Variants in MAP3K20 observed in about 807,000 individuals in gnomAD.
MAP3K20 encodes the protein HCCS-4.
In MAP3K20, 40 loss-of-function variants were observed where a neutral mutation model predicts 85.7. That is an observed-to-expected ratio of 0.47 (90% CI 0.36 to 0.61). The LOEUF (loss-of-function observed/expected upper bound fraction) is 0.61. Among genes scored for constraint, MAP3K20 ranks in the 20% least tolerant of loss-of-function variants. MAP3K20 has a pLI of 0.00. For missense variants in MAP3K20, 817 were observed against 961.7 expected, an observed-to-expected ratio of 0.85 and a Z score of 1.99; for synonymous variants, 325 against 327.7, an observed-to-expected ratio of 0.99 and a Z score of 0.09.
At chr2:173,192,952 CAT>C (rs1439105265) in intron 7 of MAP3K20, 1 of 152,106 alleles carries the variant, frequency 6.6e-6, no homozygotes, top group Non-Finnish European at 1.5e-5. Flanking sequence ...GTCTCTGTTG[CAT>C]AGTCTTCATA....
chr2:173,091,020 T>C lies in MAP3K20; in HGVS notation c.-12T>C, dbSNP rs200969449. 1.5e-4 allele frequency: 234 copies of C among 1,603,930 alleles called. 1 individual carries two copies. Among genetic ancestry groups the C allele is most frequent in the Non-Finnish European group, 1.9e-4 (223 of 1,176,552 alleles). On this transcript the variant is annotated 5_prime_UTR_variant, in exon 2 of 20. Coordinates refer to ENST00000375213, the MANE Select transcript of MAP3K20 (RefSeq NM_016653.3). ...CAGATTTTGTGGAAGTATAATACTT[T>C]GTCATTATGAGATGTCGTCTCTCGG...
At chr2:173,237,676 A>G (rs1036390168) in intron 14 of MAP3K20, among the ~76,000 whole-genome samples, 2 of 152,102 alleles carry the variant, frequency 1.3e-5, no homozygotes, top group Non-Finnish European at 2.9e-5. Flanking sequence ...TATCCAAAGA[A>G]ATGTTCTTAT....
At chr2:173,128,993 G>A (rs1038815183) in intron 2 of MAP3K20, among the ~76,000 whole-genome samples, 5 of 137,508 alleles carry the variant, frequency 3.6e-5, no homozygotes, top group African/African-American at 5.5e-5. Context: ...GCGCAATCTC[G>A]GCTCACTGCA....
intron 1 of MAP3K20, among the ~76,000 whole-genome samples, chr2:173,078,553 C>T (rs570111219): frequency 6.6e-6 from 1 of 152,222 alleles, no homozygotes; most frequent in Non-Finnish European, 1.5e-5. Flanking sequence ...TAGATTGATT[C>T]GACTGATACA....
At chr2:173,135,415 G>C (rs562667672) in intron 2 of MAP3K20, among the ~76,000 whole-genome samples, 2 of 152,330 alleles carry the variant, frequency 1.3e-5, no homozygotes, top group African/African-American at 4.8e-5. Flanking sequence ...AGACGGAAAT[G>C]AAAGTCCTGC....
chr2:173,152,820 A>T (rs771428940), intron 2 of MAP3K20, among the ~76,000 whole-genome samples: 1 of 151,906 alleles, frequency 6.6e-6, no homozygotes, highest in Non-Finnish European at 1.5e-5. Flanking sequence ...TTTGAAAAAT[A>T]GTTTCCTACT....
chr2:173,200,069 ATAGT>A (rs540606259), intron 8 of MAP3K20, among the ~76,000 whole-genome samples: 15 of 152,326 alleles, frequency 9.8e-5, no homozygotes, highest in South Asian at 8.3e-4. Context: ...ATTAAATATA[ATAGT>A]TAGTTGAAAA....
chr2:173,113,649 C>G (rs1459254918), intron 2 of MAP3K20, among the ~76,000 whole-genome samples: 2 of 152,034 alleles, frequency 1.3e-5, no homozygotes, highest in African/African-American at 2.4e-5. Context: ...CATTTTTGAC[C>G]CAGTGCTTAT....
At chr2:173,129,154 C>T (rs558649139) in intron 2 of MAP3K20, among the ~76,000 whole-genome samples, 10 of 152,154 alleles carry the variant, frequency 6.6e-5, no homozygotes, top group East Asian at 5.8e-4. Flanking sequence ...GTCTCAATCT[C>T]GTGACCTCGT....
At chr2:173,221,068 C>T in intron 11 of MAP3K20, 1 of 1,257,412 alleles carries the variant, frequency 8.0e-7, no homozygotes, top group Non-Finnish European at 1.0e-6. Flanking sequence ...GTAGTGCCAA[C>T]TAATTTTGTG....
intron 16 of MAP3K20, among the ~76,000 whole-genome samples, chr2:173,244,090 C>A (rs925140192): frequency 6.6e-6 from 1 of 152,136 alleles, no homozygotes; most frequent in Non-Finnish European, 1.5e-5. Flanking sequence ...CCAGGACACA[C>A]TGAAACGGAA....
intron 2 of MAP3K20, among the ~76,000 whole-genome samples, chr2:173,145,430 A>G (rs1412884099): frequency 6.6e-6 from 1 of 152,220 alleles, no homozygotes; most frequent in East Asian, 1.9e-4. Flanking sequence ...AGTCAATATT[A>G]AAAAGATAAC....
At chr2:173,105,566 A>G (rs1687760964) in intron 2 of MAP3K20, among the ~76,000 whole-genome samples, 1 of 152,232 alleles carries the variant, frequency 6.6e-6, no homozygotes, top group Non-Finnish European at 1.5e-5. Context: ...AACAATATTT[A>G]TTATTCAACC....
At chr2:173,246,052 T>C (rs187618881) in intron 16 of MAP3K20, among the ~76,000 whole-genome samples, 5 of 152,338 alleles carry the variant, frequency 3.3e-5, no homozygotes, top group Non-Finnish European at 1.5e-5. Context: ...ATAATTATTA[T>C]TCCTTCGTAC....
At chr2:173,224,958 T>C (rs1684343055) in intron 11 of MAP3K20, 1 of 960,112 alleles carries the variant, frequency 1.0e-6, no homozygotes, top group African/African-American at 2.0e-5. Flanking sequence ...ACTACTTGAT[T>C]TACAAAAATG....
Position 173,193,101 on chromosome 2 carries a change from C to T in MAP3K20, c.582+1924C>T, listed in dbSNP as rs376817289. The T allele has an allele frequency of 1.2e-4, 18 of 152,336 alleles. 1 individual carries two copies. The highest frequency in any genetic ancestry group is 4.1e-4 in the African/African-American group (17 of 41,576). The allele number at this position is 152,336 out of a possible 1,614,324, so 9.4% of individuals were successfully genotyped here. On this transcript the variant is annotated intron_variant, in intron 7 of 19. Coordinates refer to ENST00000375213, the MANE Select transcript of MAP3K20 (RefSeq NM_016653.3). ...GAAGATGAGCAGCGTGGTTTAGGAACGTGGCTTGACCGTTCAGAGTGGCTC... is the reference window on the plus strand; with the variant it reads ...GAAGATGAGCAGCGTGGTTTAGGAATGTGGCTTGACCGTTCAGAGTGGCTC...
At chr2:173,193,563 A>T (rs1364351199) in intron 7 of MAP3K20, among the ~76,000 whole-genome samples, 2 of 152,180 alleles carry the variant, frequency 1.3e-5, no homozygotes, top group Non-Finnish European at 2.9e-5. Context: ...AGCCAAGCAC[A>T]AATTCCTTTT....
chr2:173,114,227 T>G (rs1456437740), intron 2 of MAP3K20, among the ~76,000 whole-genome samples: 1 of 152,210 alleles, frequency 6.6e-6, no homozygotes, highest in African/African-American at 2.4e-5. Context: ...GCTTTTGGTG[T>G]CCATTTACAT....
At chr2:173,209,559 T>G in intron 9 of MAP3K20, 170 bp from the exon 10 acceptor site, 1 of 561,012 alleles carries the variant, frequency 1.8e-6, no homozygotes, top group African/African-American at 1.9e-5. Context: ...TAGAGCTCCC[T>G]AAACCTGAGT....
Sources: gnomAD v4.1 joint callset for allele counts (sites outside exome capture counted in the v4.1 genomes callset) on GRCh38, gnomAD v4.1.1 for gene constraint, MANE v1.5 for transcripts, NCBI Gene and HGNC (gene_info 2026-07-23, HGNC 2026-07-21) for gene names.